The following LEKR1 variants were observed in gnomAD, a reference collection of about 807,000 sequenced individuals.
The protein encoded by LEKR1 is protein LEKR1.
A neutral mutation model predicts 72.4 loss-of-function variants in LEKR1; 59 were observed. The observed-to-expected ratio is 0.82, with a 90% CI of 0.66 to 1.01. LEKR1 has a LOEUF of 1.01. Ranked by LOEUF, LEKR1 falls within the 50% of genes least tolerant of loss-of-function variation. LEKR1 has a pLI of 0.00. For missense variants in LEKR1, 728 were observed against 759.2 expected (o/e 0.96, Z 0.48); for synonymous variants, 257 against 263.2 (o/e 0.98, Z 0.23).
chr3:156,864,653 T>C (rs890853639), intron 3 of LEKR1, among the ~76,000 whole-genome samples: 4 of 152,074 alleles, frequency 2.6e-5, no homozygotes, highest in Non-Finnish European at 4.4e-5. Context: ...AAAAAAGTTC[T>C]AATTCAGATC....
chr3:156,981,906 G>T (rs187239105), intron 7 of LEKR1, among the ~76,000 whole-genome samples: 1 of 152,164 alleles, frequency 6.6e-6, no homozygotes, highest in Non-Finnish European at 1.5e-5. Flanking sequence ...ATGAAATCAG[G>T]TTTCTTCCAT....
At chr3:156,936,083 T>G (rs1284719133) in intron 5 of LEKR1, among the ~76,000 whole-genome samples, 1 of 152,182 alleles carries the variant, frequency 6.6e-6, no homozygotes, top group Non-Finnish European at 1.5e-5. Flanking sequence ...CTAGTTGTCT[T>G]TATTATTTAA....
intron 6 of LEKR1, among the ~76,000 whole-genome samples, chr3:156,978,807 C>T (rs1401814547): frequency 6.6e-6 from 1 of 152,160 alleles, no homozygotes; most frequent in Non-Finnish European, 1.5e-5. Context: ...CTTCACAGTT[C>T]CAGACCACAA....
intron 6 of LEKR1, chr3:156,977,734 T>G: frequency 4.2e-6 from 1 of 237,274 alleles, no homozygotes; most frequent in Admixed American, 4.2e-5. Context: ...GAAAACATAC[T>G]GGAGTCAAAT....
At chr3:156,953,831 G>A (rs1727385751) in intron 6 of LEKR1, among the ~76,000 whole-genome samples, 1 of 151,740 alleles carries the variant, frequency 6.6e-6, no homozygotes, top group South Asian at 2.1e-4. Context: ...ATGAACATAT[G>A]CATGCTTGTA....
chr3:157,045,655 C>T lies in LEKR1; in HGVS notation c.1984C>T (p.Pro662Ser). ...GGTTAGATCAGGCGTGCCCATTCTC[C>T]CCCAGCCACATCCTCCCAGGGGTGG... is the stretch of plus-strand genomic sequence containing the variant. ...KRVRSGVPIL[P>S]QPHPPRGGAS... is the part of the protein sequence containing the mutation. The change falls in exon 13 of 13, where the codon CCC becomes TCC. Residue 662 changes from proline (P) to serine (S), a missense_variant. Coordinates refer to ENST00000356539, the MANE Select transcript of LEKR1 (RefSeq NM_001004316.3). 1 of 1,614,102 alleles carries T rather than the reference C, an allele frequency of 6.2e-7. No homozygotes were observed. Among genetic ancestry groups the T allele is most frequent in the Non-Finnish European group, 8.5e-7 (1 of 1,180,018 alleles).
At chr3:156,973,936 T>A (rs1729467649) in intron 6 of LEKR1, among the ~76,000 whole-genome samples, 1 of 152,192 alleles carries the variant, frequency 6.6e-6, no homozygotes. Flanking sequence ...AGTAGGAATG[T>A]AAGCTAGTGC....
rs543368264 is a variant in LEKR1, at chr3:156,875,139, A to G, written c.263+22157A>G. 2.0e-5 allele frequency among the ~76,000 whole-genome samples: 3 copies of G among 152,346 alleles called. No individual in the cohort carries two copies. The East Asian group carries it at 5.8e-4, about 29-fold the overall frequency. On this transcript the variant is annotated intron_variant, in intron 3 of 12. Coordinates refer to ENST00000356539, the MANE Select transcript of LEKR1 (RefSeq NM_001004316.3). Reference sequence around the variant, plus strand: ...TTCCATAGTGGTTATACTAGTTTACATTCTCACCATCAGTGTAAAAGTGAT... The same window carrying G: ...TTCCATAGTGGTTATACTAGTTTACGTTCTCACCATCAGTGTAAAAGTGAT...
chr3:157,010,778 G>T (rs191621387), intron 9 of LEKR1, among the ~76,000 whole-genome samples: 1 of 152,084 alleles, frequency 6.6e-6, no homozygotes, highest in East Asian at 1.9e-4. Flanking sequence ...CCATCCAGAG[G>T]ATCACAAGCT....
chr3:156,896,404 G>T (rs944468248), intron 3 of LEKR1, among the ~76,000 whole-genome samples: 1 of 151,958 alleles, frequency 6.6e-6, no homozygotes. Context: ...TTAACAGATG[G>T]CTATCTTCTC....
chr3:156,836,683 G>A (rs756044641), intron 2 of LEKR1, among the ~76,000 whole-genome samples: 1 of 152,190 alleles, frequency 6.6e-6, no homozygotes, highest in Non-Finnish European at 1.5e-5. Flanking sequence ...TGCATGAGGT[G>A]TCTCCAAAGA....
At chr3:156,871,002 A>G (rs1384991693) in intron 3 of LEKR1, among the ~76,000 whole-genome samples, 1 of 151,968 alleles carries the variant, frequency 6.6e-6, no homozygotes, top group East Asian at 1.9e-4. Context: ...CATGTGCACA[A>G]TGTGCAGGTT....
intron 10 of LEKR1, among the ~76,000 whole-genome samples, chr3:157,022,922 T>C (rs1733942905): frequency 6.6e-6 from 1 of 152,220 alleles, no homozygotes; most frequent in Non-Finnish European, 1.5e-5. Flanking sequence ...TTCAGTACTG[T>C]ATAAACATAA....
chr3:156,864,688 T>C (rs1159387505), intron 3 of LEKR1, among the ~76,000 whole-genome samples: 6 of 152,064 alleles, frequency 3.9e-5, no homozygotes, highest in South Asian at 2.1e-4. Flanking sequence ...TGTTACTAAA[T>C]CCAAAAAGTA....
chr3:156,832,932 C>T (rs1310918929), intron 2 of LEKR1, among the ~76,000 whole-genome samples: 1 of 152,178 alleles, frequency 6.6e-6, no homozygotes, highest in Non-Finnish European at 1.5e-5. Flanking sequence ...AAAAAACATT[C>T]TTATTGAACT....
At chr3:156,968,301 A>G (rs1448993942) in intron 6 of LEKR1, among the ~76,000 whole-genome samples, 1 of 152,232 alleles carries the variant, frequency 6.6e-6, no homozygotes, top group Non-Finnish European at 1.5e-5. Context: ...TAAATGGACT[A>G]AATGTTCCAA....
At chr3:157,023,205 T>C (rs552015597) in intron 10 of LEKR1, among the ~76,000 whole-genome samples, 2 of 152,216 alleles carry the variant, frequency 1.3e-5, no homozygotes, top group South Asian at 4.2e-4. Flanking sequence ...TCTCTTAGAG[T>C]TTATAATCCT....
At chr3:156,958,202 C>T (rs1210570809) in intron 6 of LEKR1, among the ~76,000 whole-genome samples, 3 of 152,114 alleles carry the variant, frequency 2.0e-5, no homozygotes, top group Non-Finnish European at 4.4e-5. Flanking sequence ...TACTCATTCT[C>T]ATATCAGGGT....
chr3:156,976,198 C>G (rs2107996373), intron 6 of LEKR1, among the ~76,000 whole-genome samples: 1 of 152,280 alleles, frequency 6.6e-6, no homozygotes, highest in East Asian at 1.9e-4. Context: ...TTTGAATTAG[C>G]TGCCATTTTT....
Sources: gnomAD v4.1 joint callset for allele counts (sites outside exome capture counted in the v4.1 genomes callset) on GRCh38, gnomAD v4.1.1 for gene constraint, MANE v1.5 for transcripts, NCBI Gene and HGNC (gene_info 2026-07-23, HGNC 2026-07-21) for gene names.